The following PLPBP variants were observed in gnomAD, a reference collection of about 807,000 sequenced individuals.
PLPBP encodes pyridoxal phosphate homeostasis protein.
Under a neutral mutation model 31.2 loss-of-function variants are expected in PLPBP, and 21 were observed. That is an observed-to-expected ratio of 0.67 (90% CI 0.48 to 0.97). PLPBP has a LOEUF of 0.97. Among genes scored for constraint, PLPBP ranks in the 50% least tolerant of loss-of-function variants. The probability of loss-of-function intolerance (pLI) is 0.00; values close to 1 mark genes in which losing one functional copy is unlikely to be tolerated. For missense variants in PLPBP, 308 were observed against 354.4 expected, an observed-to-expected ratio of 0.87 and a Z score of 1.05; for synonymous variants, 124 against 135.6, an observed-to-expected ratio of 0.91 and a Z score of 0.59.
intron 7 of PLPBP, among the ~76,000 whole-genome samples, chr8:37,777,386 A>G (rs911020560): frequency 2.0e-5 from 3 of 152,080 alleles, no homozygotes; most frequent in Non-Finnish European, 4.4e-5. Context: ...TGCGTCTCAC[A>G]CTGGACGTCT....
In PLPBP at chr8:37,765,691, G is replaced by T. The variant is rs538487312; in HGVS notation, c.208-20G>T. 1.2e-6 allele frequency: 2 copies of T among 1,614,186 alleles called. No individual in the cohort carries two copies. Among genetic ancestry groups the T allele is most frequent in the African/African-American group, 2.7e-5 (2 of 75,062 alleles). ...ATCATGATTGCCAGGCTTCTGACTT[G>T]TTCTGTTTTGACCTTTTAGGTTCAG... is the stretch of plus-strand genomic sequence containing the variant. On this transcript the variant is annotated intron_variant, in intron 2 of 7. Coordinates refer to ENST00000328195, the MANE Select transcript of PLPBP (RefSeq NM_007198.4).
upstream of PLPBP, chr8:37,762,644 C>A: frequency 1.9e-6 from 3 of 1,562,624 alleles, no homozygotes; most frequent in African/African-American, 2.7e-5. Flanking sequence ...TGGGGCTCGG[C>A]GTCGGTCCCC....
chr8:37,772,133 C>T (rs987806419), intron 4 of PLPBP, among the ~76,000 whole-genome samples: 3 of 152,098 alleles, frequency 2.0e-5, no homozygotes, highest in South Asian at 4.1e-4. Context: ...TATCCATTAA[C>T]GAGGAATAGT....
At chr8:37,772,180 C>T (rs888830723) in intron 4 of PLPBP, among the ~76,000 whole-genome samples, 8 of 152,130 alleles carry the variant, frequency 5.3e-5, no homozygotes, top group Non-Finnish European at 1.0e-4. Flanking sequence ...TGGATTGCTG[C>T]AGTTTTTTAG....
intron 4 of PLPBP, among the ~76,000 whole-genome samples, chr8:37,767,627 A>G (rs1051324536): frequency 6.6e-6 from 1 of 152,112 alleles, no homozygotes; most frequent in Non-Finnish European, 1.5e-5. Context: ...TGACTGTTGC[A>G]AATAAGTTGC....
rs116640031 is a variant in PLPBP, at chr8:37,772,541, C to T, written c.320-214C>T. 3.7e-3 allele frequency among the ~76,000 whole-genome samples: 567 copies of T among 152,200 alleles called. 3 individuals are homozygous for T. The highest frequency in any genetic ancestry group is 0.013 in the African/African-American group (536 of 41,528). On this transcript the variant is annotated intron_variant, in intron 4 of 7. Transcript: ENST00000328195. The stretch of plus-strand genomic sequence containing the variant: ...GCCTGATCATGTATGTCAGCTTTTC[C>T]CTTATTTACCTTTGCTGATTAGCCA...
intron 3 of PLPBP, among the ~76,000 whole-genome samples, chr8:37,766,044 G>T (rs929201589): frequency 1.3e-5 from 2 of 152,072 alleles, no homozygotes; most frequent in African/African-American, 4.8e-5. Flanking sequence ...ATCCTAGATG[G>T]GCAATATCTG....
chr8:37,776,849 C>T (rs896833667), intron 7 of PLPBP, among the ~76,000 whole-genome samples: 1 of 152,146 alleles, frequency 6.6e-6, no homozygotes, highest in East Asian at 1.9e-4. Flanking sequence ...TCACTGTAAC[C>T]TCCACCTCCC....
Position 37,772,803 on chromosome 8 carries a change from C to A in PLPBP, c.368C>A (p.Ala123Glu), listed in dbSNP as rs779150244. ...GAAACAGTGGATTCTGTGAAGTTGG[C>A]AGACAAAGTGAACAGTTCCTGGCAG... ...MLETVDSVKL[A>E]DKVNSSWQRK... is the part of the protein sequence containing the mutation. Residue 123 changes from alanine to glutamate, a missense_variant, in exon 5 of 8, where the codon GCA (alanine) becomes GAA (glutamate). By Grantham distance (107) the Ala-to-Glu change is moderately radical (BLOSUM62 -1). Coordinates refer to ENST00000328195, the MANE Select transcript of PLPBP (RefSeq NM_007198.4). 6.2e-7 allele frequency: 1 copy of A among 1,613,948 alleles called. No homozygotes were observed. Among genetic ancestry groups the A allele is most frequent in the South Asian group, 1.1e-5 (1 of 91,074 alleles).
chr8:37,778,198 T>G lies in PLPBP; in HGVS notation c.*94T>G. ...AGCGCAGTCCTGCTCTCCTGTGACC[T>G]GTGGAGAGCACTAATGATCACGTGT... On this transcript the variant is annotated 3_prime_UTR_variant, in exon 8 of 8. Transcript: ENST00000328195. 1.4e-6 allele frequency: 2 copies of G among 1,427,212 alleles called. No individual in the cohort carries two copies. Among genetic ancestry groups the G allele is most frequent in the Non-Finnish European group, 1.9e-6 (2 of 1,043,334 alleles). The allele number at this position is 1,427,212 out of a possible 1,614,324, so 88.4% of individuals were successfully genotyped here.
In PLPBP at chr8:37,776,000, C is replaced by A; in HGVS notation, c.680C>A (p.Ala227Glu). Residue 227 changes from alanine (A) to glutamate (E), a missense_variant, in exon 7 of 8, where the codon GCG becomes GAG. By Grantham distance (107) the Ala-to-Glu change is moderately radical. This residue lies in a region of PLPBP where 188 missense variants were observed against 259.3 expected (regional missense o/e 0.73). Transcript: ENST00000328195. ...DQVELSMGMS[A>E]DFQHAVEVGS... ...GTTGAGCTGAGCATGGGCATGTCCGCGGATTTCCAGCATGCGGTGAGTGTC... is the reference window on the plus strand; with the variant it reads ...GTTGAGCTGAGCATGGGCATGTCCGAGGATTTCCAGCATGCGGTGAGTGTC... 6.2e-7 allele frequency: 1 copy of A among 1,613,676 alleles called. No individual in the cohort carries two copies. The highest frequency in any genetic ancestry group is 8.5e-7 in the Non-Finnish European group (1 of 1,179,814).
At chr8:37,766,407 C>T in intron 4 of PLPBP, 52 bp downstream of exon 4, 1 of 1,527,122 alleles carries the variant, frequency 6.5e-7, no homozygotes, top group Non-Finnish European at 8.9e-7. Flanking sequence ...TGTATTGCTT[C>T]TACTACCCTT....
intron 4 of PLPBP, among the ~76,000 whole-genome samples, chr8:37,769,887 A>G (rs1365368245): frequency 6.6e-6 from 1 of 152,250 alleles, no homozygotes; most frequent in African/African-American, 2.4e-5. Flanking sequence ...AAGTAATCCC[A>G]TTTACAATAG....
chr8:37,775,987 A>T lies in PLPBP; in HGVS notation c.667A>T (p.Met223Leu). The change falls in exon 7 of 8, where the codon ATG becomes TTG. Residue 223 changes from methionine to leucine, a missense_variant. Met to Leu is a conservative substitution (Grantham distance 15). Around this residue, in one of 2 missense-constraint regions of PLPBP, gnomAD observed 188 missense variants for 259.3 expected, o/e 0.73. Transcript: ENST00000328195. ...NIPADQVELS[M>L]GMSADFQHAV... Reference sequence around the variant, plus strand: ...CCCTGCTGACCAGGTTGAGCTGAGCATGGGCATGTCCGCGGATTTCCAGCA... The same window carrying T: ...CCCTGCTGACCAGGTTGAGCTGAGCTTGGGCATGTCCGCGGATTTCCAGCA... 1 of 1,613,944 alleles carries T rather than the reference A, an allele frequency of 6.2e-7. No homozygotes were observed. The highest frequency in any genetic ancestry group is 8.5e-7 in the Non-Finnish European group (1 of 1,179,922).
At position 37,777,919 on chromosome 8, in the gene PLPBP, C is replaced by T. The variant is rs1803958135; in HGVS notation, c.697-54C>T. ...AATGGGGGCACAGCTTCAGCACTGG[C>T]TCCATTTTATTATTTTAAACCTGGT... On this transcript the variant is annotated intron_variant, in intron 7 of 7. Transcript: ENST00000328195. 5 of 1,559,184 alleles carry T rather than the reference C, an allele frequency of 3.2e-6. No homozygotes were observed. In the East Asian group the frequency reaches 7.0e-5, roughly 22 times the overall value.
At chr8:37,777,193 T>C (rs1563328363) in intron 7 of PLPBP, among the ~76,000 whole-genome samples, 1 of 152,226 alleles carries the variant, frequency 6.6e-6, no homozygotes, top group Non-Finnish European at 1.5e-5. Flanking sequence ...AGCAAATAAC[T>C]TGATAAAGTT....
At chr8:37,775,727 T>G (rs183501146) in intron 6 of PLPBP, among the ~76,000 whole-genome samples, 191 bp from the exon 7 acceptor site, 153 of 152,308 alleles carry the variant, frequency 1.0e-3, no homozygotes, top group African/African-American at 3.5e-3. Context: ...GATTTCTTCC[T>G]CTCCAGTGAC....
In PLPBP at chr8:37,775,386, A is replaced by G. The variant is rs1052077091; in HGVS notation, c.502A>G (p.Ile168Val). The G allele has an allele frequency of 1.2e-6, 2 of 1,614,260 alleles. No homozygotes were observed. The highest frequency in any genetic ancestry group is 1.7e-6 in the Non-Finnish European group (2 of 1,180,044). Residue 168 changes from isoleucine to valine, a missense_variant, in exon 6 of 8, where the codon ATA becomes GTA. Coordinates refer to ENST00000328195, the MANE Select transcript of PLPBP (RefSeq NM_007198.4). Reference protein sequence around the residue: ...PSETIAIVEHINAKCPNLEFV... With the variant: ...PSETIAIVEHVNAKCPNLEFV... ...AGAGACCATAGCCATCGTGGAGCACATAAACGCCAAGTGTCCTAACCTGGA... is the reference window on the plus strand; with the variant it reads ...AGAGACCATAGCCATCGTGGAGCACGTAAACGCCAAGTGTCCTAACCTGGA...
chr8:37,766,572 A>G (rs1283174907), intron 4 of PLPBP: 1 of 1,175,640 alleles, frequency 8.5e-7, no homozygotes, highest in Non-Finnish European at 1.1e-6. Flanking sequence ...TTGGAAACCT[A>G]CCCAACCTCA....
Sources: allele counts gnomAD v4.1 joint callset (sites outside exome capture counted in the v4.1 genomes callset), GRCh38; gene constraint gnomAD v4.1.1; regional missense constraint gnomAD v4.1.1; transcripts MANE v1.5; gene names NCBI Gene and HGNC (gene_info 2026-07-23, HGNC 2026-07-21).